Variants in SHC2 observed in about 807,000 individuals in gnomAD.
The protein encoded by SHC2 is SHC adaptor protein 2, also known as SHC-transforming protein 2.
Under a neutral mutation model 60.6 loss-of-function variants are expected in SHC2, and 62 were observed. The observed-to-expected ratio is 1.02, with a 90% CI of 0.83 to 1.26. The LOEUF (loss-of-function observed/expected upper bound fraction) is 1.26. Ranked by LOEUF, SHC2 falls within the 50% of genes most tolerant of loss-of-function variation. The probability of loss-of-function intolerance (pLI) is 0.00; values close to 1 mark genes in which losing one functional copy is unlikely to be tolerated. For missense variants in SHC2, 873 were observed against 822.2 expected, an observed-to-expected ratio of 1.06 and a Z score of -0.76; for synonymous variants, 375 against 372.4, an observed-to-expected ratio of 1.01 and a Z score of -0.08.
At chr19:436,764 C>G in intron 4 of SHC2, 81 bp from the exon 5 acceptor site, 1 of 1,332,772 alleles carries the variant, frequency 7.5e-7, no homozygotes, top group Non-Finnish European at 1.0e-6. Flanking sequence ...AGGACCACAG[C>G]GAAGAGTGGG....
In SHC2 at chr19:444,872, C is replaced by T. The variant is rs371429499; in HGVS notation, c.469-3940G>A. Among the ~76,000 whole-genome samples, 93 of 152,376 alleles carry T rather than the reference C, an allele frequency of 6.1e-4. 1 individual carries two copies. In the South Asian group the frequency reaches 6.6e-3, roughly 11 times the overall value. ...GCACGTGGTCTGTTAATCCACTCCA[C>T]GCAAATCCACATGCCATGGGCAGCA... On this transcript the variant is annotated intron_variant, in intron 1 of 12. Coordinates refer to ENST00000264554, the MANE Select transcript of SHC2 (RefSeq NM_012435.3).
rs751377443 is a variant in SHC2 at position 434,693 on chromosome 19, G to A, written c.1110+16C>T. 11 of 1,600,226 alleles carry A rather than the reference G, an allele frequency of 6.9e-6. No individual in the cohort carries two copies. The highest frequency in any genetic ancestry group is 6.7e-5 in the East Asian group (3 of 44,448). On this transcript the variant is annotated intron_variant, in intron 8 of 12. Transcript: ENST00000264554. ...GGGGCATCCCTGTCCCCATCCCCCC[G>A]AGGGCAGAGGCTGACCTGGTCGAGG...
At chr19:426,271 G>A (rs1600278456) in intron 9 of SHC2, among the ~76,000 whole-genome samples, 1 of 152,232 alleles carries the variant, frequency 6.6e-6, no homozygotes, top group African/African-American at 2.4e-5. Flanking sequence ...TACCAAGAGG[G>A]GCACAGATTC....
Position 422,743 on chromosome 19 carries a change from T to A in SHC2, c.1310-287A>T. 1 of 326,892 alleles carries A rather than the reference T, an allele frequency of 3.1e-6. No homozygotes were observed. 20.2% of individuals were successfully genotyped at this position (326,892 alleles called of 1,614,324 possible). A position where few individuals can be genotyped will look rare whatever the true frequency, so the allele number is the denominator to read the frequency against. ...TCTTTCAGAGGTTAACTCCTATTTC[T>A]TTTTCCTGCCTTGTCAGGTGGGCTT... is the stretch of plus-strand genomic sequence containing the variant. On this transcript the variant is annotated intron_variant, in intron 10 of 12. Coordinates refer to ENST00000264554, the MANE Select transcript of SHC2 (RefSeq NM_012435.3). The surrounding 1 kb of genome is among the most constrained non-coding windows in gnomAD (Gnocchi z 5.0).
chr19:457,757 A>G (rs1304835237), intron 1 of SHC2, among the ~76,000 whole-genome samples: 2 of 152,244 alleles, frequency 1.3e-5, no homozygotes, highest in Non-Finnish European at 2.9e-5. Context: ...TCCACGGCCA[A>G]TGGCCACACC....
intron 9 of SHC2, among the ~76,000 whole-genome samples, chr19:427,411 G>A (rs1239122579): frequency 6.6e-6 from 1 of 152,224 alleles, no homozygotes; most frequent in Non-Finnish European, 1.5e-5. Context: ...CTACCTGAGG[G>A]AGCGGGAAGG....
In SHC2 at chr19:440,935, G is replaced by T. The variant is rs369982156; in HGVS notation, c.469-3C>A. On this transcript the variant is annotated splice_polypyrimidine_tract_variant and splice_region_variant and intron_variant, in intron 1 of 12. Coordinates refer to ENST00000264554, the MANE Select transcript of SHC2 (RefSeq NM_012435.3). This position sits in a 1 kb window ranked among gnomAD's most constrained non-coding sequence, Gnocchi z 7.0. ...AGAACCTCGATGCAGCCCATGTACT[G>T]AGGGGAGAGAACAGGTGTCAGATGC... 1.2e-6 allele frequency: 2 copies of T among 1,612,008 alleles called. No homozygotes were observed. Among genetic ancestry groups the T allele is most frequent in the Non-Finnish European group, 1.7e-6 (2 of 1,179,166 alleles).
intron 8 of SHC2, among the ~76,000 whole-genome samples, chr19:431,340 G>A (rs368960485): frequency 2.7e-5 from 4 of 146,108 alleles, no homozygotes; most frequent in South Asian, 2.2e-4. Context: ...GCGCTTCATC[G>A]TGAGTGAGAT....
Position 434,721 on chromosome 19 carries a change from C to T in SHC2, c.1098G>A (p.Thr366=), listed in dbSNP as rs369107402. Reference sequence around the variant, plus strand: ...GGCAGAGGCTGACCTGGTCGAGGGCCGTGAGGGCGCAGGGCTGTGTCAGGG... The same window carrying T: ...GGCAGAGGCTGACCTGGTCGAGGGCTGTGAGGGCGCAGGGCTGTGTCAGGG... The part of the protein sequence containing the change: ...RLALTQPCAL[T]ALDQGPSPSL... Residue 366 remains threonine, a synonymous_variant, in exon 8 of 13, where the codon ACG becomes ACA. Coordinates refer to ENST00000264554, the MANE Select transcript of SHC2 (RefSeq NM_012435.3). The T allele has an allele frequency of 8.7e-6, 14 of 1,610,568 alleles. No homozygotes were observed. The highest frequency in any genetic ancestry group is 2.2e-5 in the East Asian group (1 of 44,758).
intron 1 of SHC2, among the ~76,000 whole-genome samples, chr19:458,274 G>A (rs1206619860): frequency 7.0e-6 from 1 of 142,138 alleles, no homozygotes; most frequent in Non-Finnish European, 1.5e-5. Context: ...CGGGTCTTGG[G>A]GAGGCGGAAG....
chr19:438,680 G>T lies in SHC2; in HGVS notation c.720+38C>A, dbSNP rs1202448342. The stretch of plus-strand genomic sequence containing the variant: ...GCCTCCTAGGACTCCTGGCCCCTCT[G>T]GGGGTCTGGGGACGCCAGGCGAAGA... On this transcript the variant is annotated intron_variant, in intron 4 of 12. Transcript: ENST00000264554. This position sits in a 1 kb window ranked among gnomAD's most constrained non-coding sequence, Gnocchi z 5.0. 2 of 1,545,456 alleles carry T rather than the reference G, an allele frequency of 1.3e-6. No individual in the cohort carries two copies. The highest frequency in any genetic ancestry group is 1.7e-6 in the Non-Finnish European group (2 of 1,145,944).
chr19:457,432 G>A (rs367711744), intron 1 of SHC2, among the ~76,000 whole-genome samples: 4 of 117,850 alleles, frequency 3.4e-5, no homozygotes, highest in South Asian at 5.8e-4. Flanking sequence ...TCAGGTCTCA[G>A]CTTCAAGGTC....
intron 1 of SHC2, among the ~76,000 whole-genome samples, chr19:443,962 AGGG>A (rs1974986944): frequency 1.2e-5 from 1 of 84,230 alleles, no homozygotes; most frequent in Admixed American, 1.2e-4. Context: ...GGGTGGATGG[AGGG>A]TGGATGGATG....
At chr19:450,990 C>A (rs1180158541) in intron 1 of SHC2, among the ~76,000 whole-genome samples, 3 of 148,900 alleles carry the variant, frequency 2.0e-5, no homozygotes, top group Non-Finnish European at 4.5e-5. Flanking sequence ...TGTGGATGGC[C>A]ACGCCATGGC....
In SHC2 at chr19:436,549, G is replaced by A. The variant is rs776052824; in HGVS notation, c.774+81C>T. The A allele has an allele frequency of 4.1e-5, 65 of 1,580,680 alleles. No individual in the cohort carries two copies. The Middle Eastern group carries it at 1.2e-3, about 28-fold the overall frequency. The stretch of plus-strand genomic sequence containing the variant: ...GATGTGGGCACAGGGTACGTTAGGC[G>A]GGCTCTGGGGAAGGATGAGAGGGTC... On this transcript the variant is annotated intron_variant, in intron 5 of 12. Coordinates refer to ENST00000264554, the MANE Select transcript of SHC2 (RefSeq NM_012435.3).
At chr19:427,944 C>T (rs879739583) in intron 9 of SHC2, among the ~76,000 whole-genome samples, 5 of 151,074 alleles carry the variant, frequency 3.3e-5, no homozygotes, top group Admixed American at 3.3e-4. Flanking sequence ...AGGGAGGCCA[C>T]ATGGCACAGG....
At chr19:443,964 G>T (rs1203049600) in intron 1 of SHC2, among the ~76,000 whole-genome samples, 1 of 148,546 alleles carries the variant, frequency 6.7e-6, no homozygotes, top group Non-Finnish European at 1.5e-5. Context: ...GTGGATGGAG[G>T]GTGGATGGAT....
rs943306143 is a variant in SHC2 at position 444,658 on chromosome 19, G to C, written c.469-3726C>G. Among the ~76,000 whole-genome samples, 5 of 152,202 alleles carry C rather than the reference G, an allele frequency of 3.3e-5. No homozygotes were observed. The South Asian group carries it at 1.0e-3, about 31-fold the overall frequency. On this transcript the variant is annotated intron_variant, in intron 1 of 12. Transcript: ENST00000264554. ...CAGGATCAGCCAGGTAAACACACGA[G>C]GTAGGATGCAATGCAGTAACGATAC...
chr19:428,715 C>A (rs1345350328), intron 9 of SHC2, among the ~76,000 whole-genome samples: 1 of 152,204 alleles, frequency 6.6e-6, no homozygotes, highest in Non-Finnish European at 1.5e-5. Flanking sequence ...GCTTTTTAAA[C>A]TCCATGATGT....
Sources: allele counts gnomAD v4.1 joint callset (sites outside exome capture counted in the v4.1 genomes callset), GRCh38; gene constraint gnomAD v4.1.1; non-coding constraint Gnocchi (gnomAD v3.1); transcripts MANE v1.5; gene names NCBI Gene and HGNC (gene_info 2026-07-23, HGNC 2026-07-21).